The following ZFHX3 variants were observed in gnomAD, a reference collection of about 807,000 sequenced individuals.
The protein encoded by ZFHX3 is zinc finger homeobox 3.
ZFHX3 carries 42 observed loss-of-function variants against 279.1 expected under a neutral mutation model. The ratio of observed to expected loss-of-function variants is 0.15; its 90% CI spans 0.12 to 0.19. The LOEUF (loss-of-function observed/expected upper bound fraction) is 0.19. Among genes scored for constraint, ZFHX3 ranks in the 10% least tolerant of loss-of-function variants. ZFHX3 has a pLI of 1.00. For missense variants in ZFHX3, 4,981 were observed against 4,754.0 expected (o/e 1.05, Z -1.40); for synonymous variants, 2,293 against 1,957.8 (o/e 1.17, Z -4.52).
intron 3 of ZFHX3, chr16:73,388,956 G>C (rs915430799): frequency 6.6e-6 from 1 of 152,256 alleles, no homozygotes; most frequent in East Asian, 1.9e-4. Flanking sequence ...CTATGGCCAC[G>C]GCGTCTTAGA....
At chr16:73,749,871 G>C (rs1054917831) in intron 1 of ZFHX3, among the ~76,000 whole-genome samples, 1 of 152,196 alleles carries the variant, frequency 6.6e-6, no homozygotes, top group African/African-American at 2.4e-5. Flanking sequence ...CGTGAAAGAA[G>C]ACTGGATTAC....
intron 2 of ZFHX3, among the ~76,000 whole-genome samples, chr16:73,522,717 A>G (rs146327858): frequency 1.3e-3 from 196 of 152,276 alleles, no homozygotes; most frequent in Non-Finnish European, 2.1e-3. Flanking sequence ...GCCAAGGTGT[A>G]TTAGTCTGTT....
At chr16:73,787,073 T>A (rs987227915) in intron 1 of ZFHX3, among the ~76,000 whole-genome samples, 1 of 152,256 alleles carries the variant, frequency 6.6e-6, no homozygotes, top group Non-Finnish European at 1.5e-5. Context: ...TCCTCAAGAT[T>A]GTATGCTTTT....
intron 2 of ZFHX3, among the ~76,000 whole-genome samples, chr16:73,604,848 C>T (rs2052161285): frequency 6.6e-6 from 1 of 152,024 alleles, no homozygotes; most frequent in Non-Finnish European, 1.5e-5. Flanking sequence ...CTATAAGATA[C>T]CAGTTTTGGT....
intron 2 of ZFHX3, among the ~76,000 whole-genome samples, chr16:73,579,860 A>G (rs1334811128): frequency 7.4e-6 from 1 of 134,346 alleles, no homozygotes; most frequent in Non-Finnish European, 1.5e-5. Context: ...CAGATTATAT[A>G]TATATATATA....
chr16:72,903,039 G>A (rs1038378969), intron 3 of ZFHX3, among the ~76,000 whole-genome samples: 5 of 152,136 alleles, frequency 3.3e-5, no homozygotes, highest in Admixed American at 2.0e-4. Flanking sequence ...GGTACTGCAG[G>A]AGTCTGAATT....
chr16:73,135,052 A>G (rs369922740), intron 6 of ZFHX3, among the ~76,000 whole-genome samples: 1 of 152,296 alleles, frequency 6.6e-6, no homozygotes, highest in East Asian at 1.9e-4. Context: ...ATTACTTAGT[A>G]AAAACAGACT....
chr16:73,796,503 C>T (rs1201211866), intron 1 of ZFHX3: 1 of 152,170 alleles, frequency 6.6e-6, no homozygotes, highest in African/African-American at 2.4e-5. Context: ...AGAATGAGTA[C>T]ACATGTCATG....
At chr16:73,525,214 T>C (rs907486700) in intron 2 of ZFHX3, among the ~76,000 whole-genome samples, 2 of 152,190 alleles carry the variant, frequency 1.3e-5, no homozygotes, top group African/African-American at 4.8e-5. Context: ...TTTCAGGTTT[T>C]AGCACTTACA....
At chr16:73,372,701 G>C (rs1391852143) in intron 3 of ZFHX3, among the ~76,000 whole-genome samples, 3 of 152,326 alleles carry the variant, frequency 2.0e-5, no homozygotes, top group East Asian at 1.9e-4. Flanking sequence ...ATGATTTTGA[G>C]GAAGGACAGG....
chr16:73,429,697 G>A (rs1025875919), intron 3 of ZFHX3, among the ~76,000 whole-genome samples: 1 of 152,094 alleles, frequency 6.6e-6, no homozygotes, highest in Admixed American at 6.5e-5. Flanking sequence ...TAAACGTTGA[G>A]AACTAATTAA....
rs146974245 is a variant in ZFHX3, at chr16:73,705,190, C to G, written c.-1607-24950G>C. On this transcript the variant is annotated intron_variant, in intron 1 of 17. Coordinates refer to the ZFHX3 transcript ENST00000641206. The stretch of plus-strand genomic sequence containing the variant: ...ATAATTTAATTATAAATGTGTGTCA[C>G]TTAATGTTTAATAATGGCCGTGTTT... Among the ~76,000 whole-genome samples, 487 of 152,264 alleles carry G rather than the reference C, an allele frequency of 3.2e-3. 2 individuals carry two copies. Among genetic ancestry groups the G allele is most frequent in the African/African-American group, 0.011 (459 of 41,554 alleles).
At chr16:73,003,661 G>A (rs2144603049) in intron 1 of ZFHX3, among the ~76,000 whole-genome samples, 1 of 152,180 alleles carries the variant, frequency 6.6e-6, no homozygotes, top group South Asian at 2.1e-4. Context: ...AGCTGAGACT[G>A]CACTACTGCA....
chr16:73,740,167 T>G (rs148788927), intron 1 of ZFHX3, among the ~76,000 whole-genome samples: 4 of 152,132 alleles, frequency 2.6e-5, no homozygotes, highest in African/African-American at 9.7e-5. Context: ...ACTTTGGTAA[T>G]GTAATATTGT....
intron 5 of ZFHX3, among the ~76,000 whole-genome samples, chr16:73,169,988 T>C (rs1232740625): frequency 3.3e-5 from 5 of 152,202 alleles, no homozygotes. Flanking sequence ...ATCCATTGAA[T>C]GTCTGTCTCC....
At chr16:73,349,560 G>A (rs986552695) in intron 3 of ZFHX3, among the ~76,000 whole-genome samples, 1 of 151,930 alleles carries the variant, frequency 6.6e-6, no homozygotes, top group Non-Finnish European at 1.5e-5. Flanking sequence ...TGTAAGTGAG[G>A]AAGCTTGGGT....
intron 7 of ZFHX3, among the ~76,000 whole-genome samples, chr16:73,130,371 C>T (rs1966656978): frequency 6.6e-6 from 1 of 152,114 alleles, no homozygotes; most frequent in African/African-American, 2.4e-5. Context: ...GCTGTGTGCT[C>T]CAATGCTTTC....
intron 7 of ZFHX3, chr16:73,125,402 G>T (rs1966552747): frequency 6.6e-6 from 1 of 151,946 alleles, no homozygotes; most frequent in Admixed American, 6.6e-5. Context: ...TACTGTGATG[G>T]TTAATACTGA....
At chr16:73,149,316 A>C (rs543933205) in intron 5 of ZFHX3, among the ~76,000 whole-genome samples, 3 of 149,886 alleles carry the variant, frequency 2.0e-5, no homozygotes, top group Non-Finnish European at 4.4e-5. Context: ...CTTTATTAAT[A>C]TTAATGTCAT....
Sources: allele counts gnomAD v4.1 joint callset (sites outside exome capture counted in the v4.1 genomes callset), GRCh38; gene constraint gnomAD v4.1.1; transcripts MANE v1.5; gene names NCBI Gene and HGNC (gene_info 2026-07-23, HGNC 2026-07-21).